KLF5: variants seen among roughly 807,000 people sequenced by gnomAD.
The protein encoded by KLF5 is KLF transcription factor 5.
A neutral mutation model predicts 36.9 loss-of-function variants in KLF5; 9 were observed. The observed-to-expected ratio is 0.24, with a 90% CI of 0.15 to 0.43. The LOEUF (loss-of-function observed/expected upper bound fraction) is 0.43. Ranked by LOEUF, KLF5 falls within the 20% of genes least tolerant of loss-of-function variation. KLF5 has a pLI of 1.00. For synonymous variants in KLF5, 246 were observed against 241.7 expected (o/e 1.02, Z -0.17); for missense variants, 524 against 599.5 (o/e 0.87, Z 1.31).
At chr13:73,069,498 T>TA (rs1391637908) in intron 3 of KLF5, among the ~76,000 whole-genome samples, 1 of 152,216 alleles carries the variant, frequency 6.6e-6, no homozygotes, top group African/African-American at 2.4e-5. Context: ...TTTTCATTCT[T>TA]TTCCATTTTT....
intron 3 of KLF5, among the ~76,000 whole-genome samples, chr13:73,074,356 A>G (rs1303836280): frequency 2.0e-5 from 3 of 152,226 alleles, no homozygotes; most frequent in African/African-American, 7.2e-5. Flanking sequence ...ACAAGTGTTC[A>G]AAGCAACTCT....
At chr13:73,066,295 T>G (rs565011239) in intron 3 of KLF5, among the ~76,000 whole-genome samples, 1 of 151,294 alleles carries the variant, frequency 6.6e-6, no homozygotes, top group African/African-American at 2.4e-5. Flanking sequence ...TGTTTTTAAA[T>G]GAATGTATCT....
upstream of KLF5, among the ~76,000 whole-genome samples, chr13:73,055,418 C>G (rs1164823710): frequency 6.6e-6 from 1 of 152,134 alleles, no homozygotes; most frequent in Non-Finnish European, 1.5e-5. Flanking sequence ...CTTATTTAAA[C>G]TGCATATTTT....
At chr13:73,065,034 T>G (rs576320862) in intron 3 of KLF5, among the ~76,000 whole-genome samples, 10 of 152,306 alleles carry the variant, frequency 6.6e-5, no homozygotes, top group African/African-American at 2.2e-4. Context: ...TTTTTTTCCC[T>G]CAATAAATAC....
rs1210978409 is a variant in KLF5 at position 73,076,992 on chromosome 13, TACTG to T, written c.*1110_*1113del. On this transcript the variant is annotated 3_prime_UTR_variant, in exon 4 of 4. Coordinates refer to ENST00000377687, the MANE Select transcript of KLF5 (RefSeq NM_001730.5). ...CAGTGCAGTTTAGTTAATCTATTAA[TACTG>T]ACTCAGTGTCTGCCTTTAAATATAA... 2 of 152,588 alleles carry T rather than the reference TACTG, an allele frequency of 1.3e-5. No homozygotes were observed. Among genetic ancestry groups the T allele is most frequent in the East Asian group, 1.9e-4 (1 of 5,198 alleles). 9.5% of individuals were successfully genotyped at this position (152,588 alleles called of 1,614,324 possible). A position where few individuals can be genotyped will look rare whatever the true frequency, so the allele number is the denominator to read the frequency against.
intron 3 of KLF5, among the ~76,000 whole-genome samples, chr13:73,066,356 G>A (rs1186266523): frequency 6.6e-6 from 1 of 150,918 alleles, no homozygotes; most frequent in East Asian, 1.9e-4. Context: ...GGCCCAGGTA[G>A]AACAGTTAGG....
chr13:73,060,548 G>A (rs1291929735), intron 1 of KLF5: 1 of 152,256 alleles, frequency 6.6e-6, no homozygotes, highest in Non-Finnish European at 1.5e-5. Flanking sequence ...GTCTGCCAGG[G>A]TCTTGCTGTG....
chr13:73,056,934 G>GTTTT, upstream of KLF5, among the ~76,000 whole-genome samples: 1 of 149,388 alleles, frequency 6.7e-6, no homozygotes, highest in East Asian at 1.9e-4. Flanking sequence ...TAGTTGTATG[G>GTTTT]TTTTTTTTTT....
intron 2 of KLF5, among the ~76,000 whole-genome samples, chr13:73,063,491 G>A (rs1229328159): frequency 1.3e-5 from 2 of 152,092 alleles, no homozygotes; most frequent in Non-Finnish European, 2.9e-5. Context: ...AGTACTGTCA[G>A]CTCTAGAGCC....
chr13:73,060,449 A>G (rs1018641330), intron 1 of KLF5: 3 of 152,202 alleles, frequency 2.0e-5, no homozygotes, highest in Non-Finnish European at 1.5e-5. Context: ...GCAGTGCACG[A>G]AAGGGTTTAG....
chr13:73,068,564 C>T (rs748208981), intron 3 of KLF5, among the ~76,000 whole-genome samples: 7 of 151,372 alleles, frequency 4.6e-5, no homozygotes, highest in Non-Finnish European at 5.9e-5. Flanking sequence ...ATTAGTCAGG[C>T]GTGGTGGCAC....
intron 1 of KLF5, 197 bp downstream of exon 1, chr13:73,059,785 G>C (rs1039176182): frequency 9.3e-6 from 5 of 536,410 alleles, no homozygotes; most frequent in Non-Finnish European, 1.2e-5. Context: ...GGGGGGGGGG[G>C]CCGGGGGTGG....
In KLF5 at chr13:73,075,969, ACAAAC is replaced by A. The variant is rs2044757867; in HGVS notation, c.*84_*88del. ...CTATTCCTGTGTAAAAACAACAAAA[ACAAAC>A]AAAAGCAAGAAAACCACAACTAAAA... is the stretch of plus-strand genomic sequence containing the variant. On this transcript the variant is annotated 3_prime_UTR_variant, in exon 4 of 4. Transcript: ENST00000377687. The A allele has an allele frequency of 9.0e-7, 1 of 1,110,210 alleles. No homozygotes were observed. 68.8% of individuals were successfully genotyped at this position (1,110,210 alleles called of 1,614,324 possible). A position where few individuals can be genotyped will look rare whatever the true frequency, so the allele number is the denominator to read the frequency against.
chr13:73,062,741 G>A lies in KLF5; in HGVS notation c.1135+7G>A. The A allele has an allele frequency of 6.2e-7, 1 of 1,610,098 alleles. No individual in the cohort carries two copies. Among genetic ancestry groups the A allele is most frequent in the Non-Finnish European group, 8.5e-7 (1 of 1,177,604 alleles). ...CACTACTGCGATTACCCTGGTATGT[G>A]CTCTTACCTGGTTGAAGCATCAATA... is the stretch of plus-strand genomic sequence containing the variant. On this transcript the variant is annotated splice_region_variant and intron_variant, in intron 2 of 3. Coordinates refer to ENST00000377687, the MANE Select transcript of KLF5 (RefSeq NM_001730.5).
intron 1 of KLF5, among the ~76,000 whole-genome samples, 191 bp from the exon 2 acceptor site, chr13:73,061,670 T>G (rs1381005222): frequency 1.3e-5 from 2 of 152,176 alleles, no homozygotes; most frequent in African/African-American, 4.8e-5. Flanking sequence ...ACACAGAGTT[T>G]CATAAGGTTT....
intron 3 of KLF5, among the ~76,000 whole-genome samples, chr13:73,069,458 G>C (rs923893044): frequency 6.6e-6 from 1 of 152,026 alleles, no homozygotes; most frequent in African/African-American, 2.4e-5. Context: ...ACATTTATTA[G>C]CCTTTAGTAT....
At chr13:73,066,122 A>C (rs865976776) in intron 3 of KLF5, among the ~76,000 whole-genome samples, 1 of 152,182 alleles carries the variant, frequency 6.6e-6, no homozygotes, top group Non-Finnish European at 1.5e-5. Flanking sequence ...TAGTCTTTCA[A>C]ATGCCTTGGG....
intron 3 of KLF5, among the ~76,000 whole-genome samples, chr13:73,068,042 T>C (rs866950612): frequency 2.0e-5 from 3 of 151,760 alleles, no homozygotes; most frequent in African/African-American, 7.3e-5. Context: ...GGTTTCACCA[T>C]GTTGGCCAGG....
chr13:73,068,678 T>G (rs1308167744), intron 3 of KLF5, among the ~76,000 whole-genome samples: 2 of 125,268 alleles, frequency 1.6e-5, no homozygotes, highest in Non-Finnish European at 3.2e-5. Context: ...CACTCCAGCC[T>G]GGGCAACAGA....
Sources: allele counts gnomAD v4.1 joint callset (sites outside exome capture counted in the v4.1 genomes callset), GRCh38; gene constraint gnomAD v4.1.1; transcripts MANE v1.5; gene names NCBI Gene and HGNC (gene_info 2026-07-23, HGNC 2026-07-21).